Variants in SUN3 observed in about 807,000 individuals in gnomAD.
SUN3 encodes the protein Sad1 and UNC84 domain containing 3.
SUN3 carries 36 observed loss-of-function variants against 48.2 expected under a neutral mutation model. The ratio of observed to expected loss-of-function variants is 0.75; its 90% confidence interval spans 0.57 to 0.99. SUN3 has a LOEUF of 0.99. SUN3 is among the 50% of genes least tolerant of loss of function. SUN3 has a pLI of 0.00. For synonymous variants in SUN3, 148 were observed against 147.9 expected, an observed-to-expected ratio of 1.00 and a Z score of 0.00; for missense variants, 419 against 433.1, an observed-to-expected ratio of 0.97 and a Z score of 0.29.
chr7:47,990,374 CAT>C (rs200346932), intron 8 of SUN3, among the ~76,000 whole-genome samples: 1,933 of 152,010 alleles, frequency 0.013, 22 homozygotes, highest in Non-Finnish European at 0.022. Context: ...CATTTGTTCA[CAT>C]GTTTTCCTGC....
chr7:48,035,752 C>G, the SUN3 span: 2 of 581,952 alleles, frequency 3.4e-6, no homozygotes, highest in Non-Finnish European at 6.1e-6. This position sits in a 1 kb window ranked among gnomAD's most constrained non-coding sequence, Gnocchi z 4.0. Flanking sequence ...ACCACCTTGT[C>G]GCCGGGTTGG....
intron 2 of SUN3, among the ~76,000 whole-genome samples, chr7:48,023,373 T>C (rs531764694): frequency 6.6e-6 from 1 of 152,214 alleles, no homozygotes; most frequent in East Asian, 1.9e-4. Context: ...TTGTTATAAA[T>C]GTAGGGTCTC....
Position 47,996,333 on chromosome 7 carries a change from A to G in SUN3, c.578-187T>C, listed in dbSNP as rs372119989. Among the ~76,000 whole-genome samples the G allele has an allele frequency of 5.3e-5, 8 of 152,222 alleles. 1 individual carries two copies. In the East Asian group the frequency reaches 5.8e-4, roughly 11 times the overall value. On this transcript the variant is annotated intron_variant, in intron 6 of 9. Coordinates refer to ENST00000297325, the MANE Select transcript of SUN3 (RefSeq NM_001030019.2). ...CTACCACTGAAATTTTGTCATTTTG[A>G]AGAAAACTAGTTTGTTCTGTTTAGT...
intron 1 of SUN3, 24 bp from the exon 2 acceptor site, chr7:48,025,962 A>T (rs768644060): frequency 5.2e-6 from 8 of 1,528,518 alleles, no homozygotes; most frequent in Non-Finnish European, 6.3e-6. Context: ...AACAATGATT[A>T]GAAAAAGAAT....
intron 2 of SUN3, chr7:48,018,413 C>T (rs1182774312): frequency 1.3e-5 from 2 of 152,152 alleles, no homozygotes; most frequent in African/African-American, 4.8e-5. Flanking sequence ...ATCACAAGGT[C>T]AAGAGATCGA....
intron 2 of SUN3, among the ~76,000 whole-genome samples, chr7:48,021,967 G>A (rs890521762): frequency 3.3e-5 from 5 of 152,050 alleles, no homozygotes; most frequent in South Asian, 4.1e-4. Flanking sequence ...AGATATCTGC[G>A]CTCCCATTTG....
chr7:47,989,081 G>C (rs1262149412), intron 8 of SUN3: 1 of 395,468 alleles, frequency 2.5e-6, no homozygotes, highest in Non-Finnish European at 4.5e-6. Context: ...CTGACTAAAA[G>C]GATAGAAGAT....
At chr7:48,023,226 G>GT (rs1427081851) in intron 2 of SUN3, among the ~76,000 whole-genome samples, 3 of 152,066 alleles carry the variant, frequency 2.0e-5, no homozygotes, top group African/African-American at 7.2e-5. Context: ...GTGTAAAGAT[G>GT]TAATTTTTGA....
At chr7:47,998,292 G>A (rs1324066153) in intron 6 of SUN3, among the ~76,000 whole-genome samples, 1 of 151,140 alleles carries the variant, frequency 6.6e-6, no homozygotes, top group Non-Finnish European at 1.5e-5. Flanking sequence ...ATAACATTGA[G>A]GTTTTGACAT....
chr7:47,988,354 G>A (rs780073504), intron 9 of SUN3, among the ~76,000 whole-genome samples: 15 of 152,108 alleles, frequency 9.9e-5, no homozygotes, highest in Admixed American at 4.6e-4. Context: ...CACTGGGTTA[G>A]GAGTTTTACT....
intron 3 of SUN3, among the ~76,000 whole-genome samples, chr7:48,013,320 G>A (rs1010698645): frequency 3.9e-5 from 6 of 152,124 alleles, no homozygotes; most frequent in Non-Finnish European, 7.3e-5. Context: ...AAGTCATTTC[G>A]AGGATAAAGT....
At chr7:47,988,683 C>T (rs757818020) in intron 9 of SUN3, 105 bp downstream of exon 9, 22 of 641,498 alleles carry the variant, frequency 3.4e-5, no homozygotes, top group East Asian at 1.9e-4. Flanking sequence ...GTGTAACTCA[C>T]GCTTTTGTCA....
intron 6 of SUN3, among the ~76,000 whole-genome samples, chr7:48,004,472 C>G (rs1000651868): frequency 6.6e-6 from 1 of 152,190 alleles, no homozygotes; most frequent in Admixed American, 6.5e-5. Flanking sequence ...AGGGGTTAGT[C>G]CAAGACTTGA....
chr7:48,014,659 A>G (rs932932458), intron 3 of SUN3, among the ~76,000 whole-genome samples: 1 of 152,214 alleles, frequency 6.6e-6, no homozygotes, highest in Non-Finnish European at 1.5e-5. Flanking sequence ...CTGTGGGCAA[A>G]GGGGCACCCA....
At chr7:47,989,842 A>C (rs1022900236) in intron 8 of SUN3, among the ~76,000 whole-genome samples, 2 of 152,318 alleles carry the variant, frequency 1.3e-5, no homozygotes, top group African/African-American at 4.8e-5. Flanking sequence ...TGCTGTGTCA[A>C]CTCAAGGTTA....
At chr7:47,991,264 T>C (rs1028915405) in intron 8 of SUN3, among the ~76,000 whole-genome samples, 2 of 147,068 alleles carry the variant, frequency 1.4e-5, no homozygotes, top group African/African-American at 5.1e-5. Flanking sequence ...TTCTTTAATG[T>C]AGAAGAAAAT....
At chr7:47,993,138 AAG>A (rs1789113141) in intron 8 of SUN3, among the ~76,000 whole-genome samples, 1 of 152,234 alleles carries the variant, frequency 6.6e-6, no homozygotes, top group African/African-American at 2.4e-5. Flanking sequence ...AAATGGAAGA[AAG>A]TAGTATTTAA....
intron 3 of SUN3, among the ~76,000 whole-genome samples, chr7:48,014,964 C>T (rs1789772340): frequency 6.6e-6 from 1 of 152,060 alleles, no homozygotes; most frequent in African/African-American, 2.4e-5. Flanking sequence ...TGAGACCAAC[C>T]CACATTGTAG....
intron 6 of SUN3, among the ~76,000 whole-genome samples, chr7:48,001,759 A>T (rs2128774094): frequency 6.6e-6 from 1 of 152,134 alleles, no homozygotes; most frequent in Admixed American, 6.5e-5. Flanking sequence ...GATGGTCTCG[A>T]TCTCCTGACC....
Sources: gnomAD v4.1 joint callset for allele counts (sites outside exome capture counted in the v4.1 genomes callset) on GRCh38, gnomAD v4.1.1 for gene constraint, Gnocchi (gnomAD v3.1) non-coding constraint, MANE v1.5 for transcripts, NCBI Gene and HGNC (gene_info 2026-07-23, HGNC 2026-07-21) for gene names.